The following ADGRD1 variants were observed in gnomAD, a reference collection of about 807,000 sequenced individuals.
The protein encoded by ADGRD1 is adhesion G protein-coupled receptor D1, also known as G-protein coupled receptor 133.
In ADGRD1, 77 loss-of-function variants were observed where a neutral mutation model predicts 113.4. The observed-to-expected ratio is 0.68, with a 90% CI of 0.57 to 0.82. The LOEUF is 0.82. Among genes scored for constraint, ADGRD1 ranks in the 40% least tolerant of loss-of-function variants. The probability of loss-of-function intolerance (pLI) is 0.00; values close to 1 mark genes in which losing one functional copy is unlikely to be tolerated. For synonymous variants in ADGRD1, 474 were observed against 475.0 expected (o/e 1.00, Z 0.03); for missense variants, 1,036 against 1,139.1 (o/e 0.91, Z 1.30).
intron 19 of ADGRD1, 35 bp downstream of exon 19, chr12:131,118,486 G>A (rs7295131): frequency 0.17 from 253,825 of 1,519,238 alleles, 22,893 homozygotes; most frequent in Middle Eastern, 0.21. Context: ...TTTGGCAGGC[G>A]TTCCATGGAA....
intron 13 of ADGRD1, among the ~76,000 whole-genome samples, chr12:131,065,523 G>A (rs1816378383): frequency 6.6e-6 from 1 of 152,180 alleles, no homozygotes; most frequent in Non-Finnish European, 1.5e-5. Context: ...ACAGGCCCTT[G>A]CCTGTCACTG....
intron 13 of ADGRD1, among the ~76,000 whole-genome samples, chr12:131,059,598 A>C (rs1884150837): frequency 6.6e-6 from 1 of 152,228 alleles, no homozygotes; most frequent in African/African-American, 2.4e-5. Flanking sequence ...GAAATGCTTC[A>C]AAACTCCAAA....
intron 21 of ADGRD1, among the ~76,000 whole-genome samples, chr12:131,134,562 A>T (rs1951025398): frequency 6.6e-6 from 1 of 152,258 alleles, no homozygotes; most frequent in African/African-American, 2.4e-5. Context: ...GTTTCCCAGA[A>T]ACAGGTGTTT....
At chr12:130,980,811 C>T (rs1488458915) in intron 4 of ADGRD1, 5 of 152,206 alleles carry the variant, frequency 3.3e-5, no homozygotes, top group African/African-American at 1.2e-4. Context: ...CACAAAGGTA[C>T]AATATCTAAT....
At chr12:131,079,980 C>T (rs529089316) in intron 14 of ADGRD1, among the ~76,000 whole-genome samples, 1 of 151,992 alleles carries the variant, frequency 6.6e-6, no homozygotes, top group African/African-American at 2.4e-5. Flanking sequence ...ATTGGCTTAT[C>T]CTCTTTGTCT....
chr12:131,138,074 TC>T, intron 23 of ADGRD1, 62 bp from the exon 24 acceptor site: 1 of 1,360,856 alleles, frequency 7.3e-7, no homozygotes, highest in Admixed American at 1.7e-5. Flanking sequence ...CGGCACAGAC[TC>T]CTCTGGTTAC....
At chr12:131,074,725 GA>G (rs1236300094) in intron 13 of ADGRD1, among the ~76,000 whole-genome samples, 6 of 152,196 alleles carry the variant, frequency 3.9e-5, no homozygotes, top group Non-Finnish European at 7.3e-5. Context: ...CACACATGAA[GA>G]GTCAATTTGC....
intron 20 of ADGRD1, among the ~76,000 whole-genome samples, chr12:131,129,244 C>A (rs1950839114): frequency 7.2e-6 from 1 of 138,580 alleles, no homozygotes; most frequent in Admixed American, 7.1e-5. Flanking sequence ...ACAGGCCCGC[C>A]CTGCTGTCTG....
At position 130,954,812 on chromosome 12, in the gene ADGRD1, G is replaced by A. The variant is rs1227470881; in HGVS notation, c.103+152G>A. On this transcript the variant is annotated intron_variant, in intron 2 of 24. Coordinates refer to ENST00000261654, the MANE Select transcript of ADGRD1 (RefSeq NM_198827.5). This position sits in a 1 kb window ranked among gnomAD's most constrained non-coding sequence, Gnocchi z 4.7. ...ACCTCACTGCCTCACCACACACTGTGACCCTGGGCAGCTCTGCTACCCCTC... is the reference window on the plus strand; with the variant it reads ...ACCTCACTGCCTCACCACACACTGTAACCCTGGGCAGCTCTGCTACCCCTC... 11 of 730,370 alleles carry A rather than the reference G, an allele frequency of 1.5e-5. No homozygotes were observed. Among genetic ancestry groups the A allele is most frequent in the African/African-American group, 5.2e-5 (3 of 57,660 alleles). The allele number at this position is 730,370 out of a possible 1,614,324, so 45.2% of individuals were successfully genotyped here.
intron 13 of ADGRD1, chr12:131,030,894 C>T (rs773929613): frequency 6.6e-6 from 1 of 152,274 alleles, no homozygotes; most frequent in African/African-American, 2.4e-5. Context: ...TGAGCCGCAT[C>T]TGCAGCCTGT....
intron 18 of ADGRD1, among the ~76,000 whole-genome samples, chr12:131,111,825 G>A (rs930065502): frequency 2.0e-5 from 3 of 152,022 alleles, no homozygotes; most frequent in Non-Finnish European, 2.9e-5. Context: ...ATGAGACAGG[G>A]TCGTTATGCA....
chr12:131,091,277 A>G (rs1886889793), intron 15 of ADGRD1, among the ~76,000 whole-genome samples: 1 of 152,276 alleles, frequency 6.6e-6, no homozygotes, highest in African/African-American at 2.4e-5. Context: ...GAGAATTAAA[A>G]GAATCAGCAA....
At chr12:131,122,950 C>A (rs981969576) in intron 20 of ADGRD1, among the ~76,000 whole-genome samples, 4 of 152,070 alleles carry the variant, frequency 2.6e-5, no homozygotes, top group African/African-American at 9.7e-5. Flanking sequence ...GGGCCCCACC[C>A]CCTACCCCAC....
intron 15 of ADGRD1, among the ~76,000 whole-genome samples, chr12:131,086,808 G>T (rs1001132863): frequency 6.6e-6 from 1 of 152,190 alleles, no homozygotes; most frequent in African/African-American, 2.4e-5. Flanking sequence ...CAAAGAGAAG[G>T]CCCTTTCTTT....
chr12:130,990,941 A>G, intron 6 of ADGRD1, 73 bp from the exon 7 acceptor site: 1 of 1,178,854 alleles, frequency 8.5e-7, no homozygotes, highest in Non-Finnish European at 1.3e-6. Flanking sequence ...TACATTTTTA[A>G]CAAGGACAGG....
At chr12:131,013,378 C>T (rs941688978) in intron 12 of ADGRD1, among the ~76,000 whole-genome samples, 1 of 152,130 alleles carries the variant, frequency 6.6e-6, no homozygotes, top group Non-Finnish European at 1.5e-5. Context: ...AATCAGTCTC[C>T]CTCCTCATGA....
At chr12:130,997,570 G>A (rs1411112546) in intron 8 of ADGRD1, among the ~76,000 whole-genome samples, 11 of 152,080 alleles carry the variant, frequency 7.2e-5, no homozygotes, top group African/African-American at 2.2e-4. Flanking sequence ...CAGACGGGGC[G>A]GCGGGGCAAA....
intron 13 of ADGRD1, among the ~76,000 whole-genome samples, chr12:131,021,658 T>C (rs1879336836): frequency 6.6e-6 from 1 of 152,196 alleles, no homozygotes; most frequent in Non-Finnish European, 1.5e-5. Context: ...CAGTGTCTTC[T>C]CCCTATGTCC....
intron 11 of ADGRD1, among the ~76,000 whole-genome samples, 160 bp from the exon 12 acceptor site, chr12:131,005,812 T>C (rs1877027271): frequency 6.6e-6 from 1 of 151,810 alleles, no homozygotes; most frequent in Non-Finnish European, 1.5e-5. Context: ...GCAGAGTCTT[T>C]GTCCTTGCAA....
Sources: allele counts gnomAD v4.1 joint callset (sites outside exome capture counted in the v4.1 genomes callset), GRCh38; gene constraint gnomAD v4.1.1; non-coding constraint Gnocchi (gnomAD v3.1); transcripts MANE v1.5; gene names NCBI Gene and HGNC (gene_info 2026-07-23, HGNC 2026-07-21).